ZNF718: variants seen among roughly 807,000 people sequenced by gnomAD.
ZNF718 encodes the protein zinc finger protein 718.
In ZNF718, 3 loss-of-function variants were observed where a neutral mutation model predicts 2.6. The ratio of observed to expected loss-of-function variants is 1.16; its 90% CI spans 0.53 to 3.01. The LOEUF (loss-of-function observed/expected upper bound fraction) is 3.01, where lower values mean the gene tolerates loss of function less well. Ranked by LOEUF, ZNF718 falls within the 30% of genes most tolerant of loss-of-function variation. The pLI is 0.03. For synonymous variants in ZNF718, 135 were observed against 77.9 expected, an observed-to-expected ratio of 1.73 and a Z score of -3.86; for missense variants, 468 against 230.0, an observed-to-expected ratio of 2.03 and a Z score of -6.69.
chr4:192,187 G>A (rs188835729), intron 3 of ZNF718, among the ~76,000 whole-genome samples: 74 of 152,226 alleles, frequency 4.9e-4, no homozygotes, highest in Admixed American at 1.4e-3. Context: ...AGCTCAGCTC[G>A]AGCCGGAACA....
At chr4:158,042 T>A (rs903704990) in intron 3 of ZNF718, among the ~76,000 whole-genome samples, 1 of 152,198 alleles carries the variant, frequency 6.6e-6, no homozygotes, top group East Asian at 1.9e-4. Flanking sequence ...CATTAATATG[T>A]ATATATACAC....
rs1336150382 is a variant in ZNF718 at position 132,520 on chromosome 4, A to T, written c.226+1015A>T. Among the ~76,000 whole-genome samples, 481 of 102,774 alleles carry T rather than the reference A, an allele frequency of 4.7e-3. 147 individuals carry two copies. Among genetic ancestry groups the T allele is most frequent in the African/African-American group, 0.015 (441 of 29,604 alleles). The allele number at this position is 102,774 out of a possible 152,430, so 67.4% of individuals were successfully genotyped here. ...TTTTTTCAAATATTGTCTTTGCATC[A>T]TGTCTAAAATGTGTACGGTGACTAG... On this transcript the variant is annotated intron_variant, in intron 3 of 3. Transcript: ENST00000510175.
At chr4:180,852 G>A (rs1268511128) in intron 3 of ZNF718, among the ~76,000 whole-genome samples, 1 of 152,078 alleles carries the variant, frequency 6.6e-6, no homozygotes. Flanking sequence ...CTTTATTCGT[G>A]TTGCATTGGT....
At chr4:135,846 T>C (rs1715548005) in intron 3 of ZNF718, among the ~76,000 whole-genome samples, 1 of 151,116 alleles carries the variant, frequency 6.6e-6, no homozygotes, top group African/African-American at 2.4e-5. Context: ...TACAAATTTT[T>C]AGTAATATGT....
rs2108779167 is a variant in ZNF718, at chr4:130,141, T to C, written c.4-647T>C. 1.9e-5 allele frequency among the ~76,000 whole-genome samples: 2 copies of C among 103,940 alleles called. 1 individual carries two copies. Among genetic ancestry groups the C allele is most frequent in the African/African-American group, 6.7e-5 (2 of 29,984 alleles). The allele number at this position is 103,940 out of a possible 152,430, so 68.2% of individuals were successfully genotyped here. A position where few individuals can be genotyped will look rare whatever the true frequency, so the allele number is the denominator to read the frequency against. ...TAAGGGTGTTGCAGTGAGGGACTCA[T>C]GCTGTGACTGCTTTTTCTAGCTGAG... is the stretch of plus-strand genomic sequence containing the variant. On this transcript the variant is annotated intron_variant, in intron 1 of 3. Coordinates refer to ENST00000510175, the MANE Select transcript of ZNF718 (RefSeq NM_001039127.6).
intron 3 of ZNF718, among the ~76,000 whole-genome samples, chr4:174,485 A>G (rs1441055986): frequency 1.3e-5 from 2 of 152,214 alleles, no homozygotes; most frequent in Non-Finnish European, 1.5e-5. Context: ...GGGAGAGACC[A>G]TCTCCATCAG....
intron 3 of ZNF718, among the ~76,000 whole-genome samples, chr4:133,192 AAAAATATATATATAT>A (rs1454691179): frequency 8.9e-5 from 2 of 22,472 alleles, no homozygotes; most frequent in African/African-American, 2.1e-4. Flanking sequence ...AAAAAAAAAA[AAAAATATATATATAT>A]ATATATATAT....
chr4:158,333 G>A lies in ZNF718; in HGVS notation c.227-2579G>A, dbSNP rs918745162. On this transcript the variant is annotated intron_variant, in intron 3 of 3. Coordinates refer to ENST00000510175, the MANE Select transcript of ZNF718 (RefSeq NM_001039127.6). ...AATTGTTAAAATTTTTTTATTCAGTGCATGTATTTTGAATGGAAAGTTTAC... is the reference window on the plus strand; with the variant it reads ...AATTGTTAAAATTTTTTTATTCAGTACATGTATTTTGAATGGAAAGTTTAC... 2.0e-5 allele frequency among the ~76,000 whole-genome samples: 3 copies of A among 151,778 alleles called. No individual in the cohort carries two copies. In the South Asian group the frequency reaches 6.2e-4, roughly 32 times the overall value.
chr4:157,636 A>G (rs1384583188), intron 3 of ZNF718, among the ~76,000 whole-genome samples: 1 of 152,260 alleles, frequency 6.6e-6, no homozygotes, highest in Middle Eastern at 3.4e-3. Context: ...TTTGCTTTCT[A>G]TAATTATGTA....
intron 3 of ZNF718, among the ~76,000 whole-genome samples, chr4:157,962 T>C (rs527997826): frequency 6.6e-6 from 1 of 152,108 alleles, no homozygotes; most frequent in East Asian, 1.9e-4. Flanking sequence ...TTGCTTTGTA[T>C]ATCTTGGCTT....
intron 3 of ZNF718, among the ~76,000 whole-genome samples, chr4:144,389 T>C (rs1372839366): frequency 9.2e-5 from 14 of 152,204 alleles, no homozygotes; most frequent in Admixed American, 9.2e-4. Context: ...TACTGATCAG[T>C]TTTATGCCAT....
intron 3 of ZNF718, among the ~76,000 whole-genome samples, chr4:198,469 C>T (rs1717835604): frequency 6.6e-6 from 1 of 152,274 alleles, no homozygotes; most frequent in East Asian, 1.9e-4. Flanking sequence ...TTGCACCCAC[C>T]CACTCAACTT....
At chr4:146,200 CA>C (rs1716051676) in intron 3 of ZNF718, among the ~76,000 whole-genome samples, 2 of 151,622 alleles carry the variant, frequency 1.3e-5, no homozygotes, top group South Asian at 4.1e-4. Flanking sequence ...TTTTGTAAGA[CA>C]GGTCTAGTGA....
chr4:180,913 C>T (rs1248458708), intron 3 of ZNF718, among the ~76,000 whole-genome samples: 3 of 152,100 alleles, frequency 2.0e-5, no homozygotes, highest in African/African-American at 7.2e-5. Context: ...TATTCCTAGA[C>T]CCAAATCAGA....
intron 3 of ZNF718, among the ~76,000 whole-genome samples, chr4:136,748 C>T (rs1715589258): frequency 2.0e-5 from 3 of 152,184 alleles, no homozygotes; most frequent in Admixed American, 6.5e-5. Context: ...TAAGATTTAT[C>T]CTTATTGTAG....
At chr4:142,834 A>G (rs1430974306) in intron 3 of ZNF718, among the ~76,000 whole-genome samples, 1 of 152,242 alleles carries the variant, frequency 6.6e-6, no homozygotes, top group Non-Finnish European at 1.5e-5. Flanking sequence ...TAAACTCTTT[A>G]TCTGGCTCAT....
At chr4:136,455 GT>G (rs1403349406) in intron 3 of ZNF718, 1 of 522,726 alleles carries the variant, frequency 1.9e-6, no homozygotes, top group African/African-American at 1.9e-5. Context: ...TTTGAGACAG[GT>G]TGCAGAACTG....
downstream of ZNF718, among the ~76,000 whole-genome samples, chr4:168,256 A>AT (rs1271852025): frequency 1.3e-5 from 2 of 152,116 alleles, no homozygotes; most frequent in Admixed American, 1.3e-4. Context: ...GTTTGCCAGT[A>AT]TTTTATTGAG....
intron 3 of ZNF718, among the ~76,000 whole-genome samples, chr4:135,441 G>A (rs1715518892): frequency 6.6e-6 from 1 of 151,794 alleles, no homozygotes. Context: ...CTTAAGCAGG[G>A]ATAGTGTTTC....
Sources: allele counts gnomAD v4.1 joint callset (sites outside exome capture counted in the v4.1 genomes callset), GRCh38; gene constraint gnomAD v4.1.1; transcripts MANE v1.5; gene names NCBI Gene and HGNC (gene_info 2026-07-23, HGNC 2026-07-21).